CPA6: variants seen among roughly 807,000 people sequenced by gnomAD.
The protein encoded by CPA6 is carboxypeptidase A6, also known as carboxypeptidase B.
CPA6 carries 58 observed loss-of-function variants against 63.3 expected under a neutral mutation model. The ratio of observed to expected loss-of-function variants is 0.92; its 90% CI spans 0.74 to 1.14. The LOEUF is 1.14. CPA6 is among the 50% of genes most tolerant of loss of function. The pLI is 0.00. For missense variants in CPA6, 565 were observed against 526.6 expected, an observed-to-expected ratio of 1.07 and a Z score of -0.71; for synonymous variants, 185 against 179.0, an observed-to-expected ratio of 1.03 and a Z score of -0.27.
intron 2 of CPA6, among the ~76,000 whole-genome samples, chr8:67,616,578 T>C (rs1275817378): frequency 6.7e-6 from 1 of 150,282 alleles, no homozygotes; most frequent in African/African-American, 2.5e-5. Context: ...GAATAGAAGA[T>C]GTGGTGGATT....
intron 1 of CPA6, among the ~76,000 whole-genome samples, chr8:67,629,207 C>A (rs1815262602): frequency 6.6e-6 from 1 of 152,024 alleles, no homozygotes; most frequent in Admixed American, 6.5e-5. Flanking sequence ...GTGACTCATA[C>A]CTGCAATTCC....
intron 2 of CPA6, among the ~76,000 whole-genome samples, chr8:67,527,951 G>C (rs1812399247): frequency 6.6e-6 from 1 of 152,224 alleles, no homozygotes; most frequent in South Asian, 2.1e-4. Context: ...ATGTGCGGAG[G>C]ATCCGGAGAT....
intron 8 of CPA6, among the ~76,000 whole-genome samples, chr8:67,450,601 T>C (rs1320573313): frequency 6.6e-6 from 1 of 152,262 alleles, no homozygotes; most frequent in Non-Finnish European, 1.5e-5. Context: ...AACTATTTTG[T>C]ACTGAAAACA....
At chr8:67,736,398 C>A (rs187487125) in intron 1 of CPA6, among the ~76,000 whole-genome samples, 8 of 152,292 alleles carry the variant, frequency 5.3e-5, no homozygotes, top group African/African-American at 1.9e-4. Flanking sequence ...CTCAACCTAC[C>A]TGCTCTAGTT....
chr8:67,589,256 G>A (rs1814037767), intron 2 of CPA6, among the ~76,000 whole-genome samples: 1 of 152,146 alleles, frequency 6.6e-6, no homozygotes, highest in African/African-American at 2.4e-5. Context: ...TTCTTAAAAA[G>A]GATTTGACCA....
At chr8:67,475,944 C>CTT (rs1811224792) in intron 8 of CPA6, among the ~76,000 whole-genome samples, 1 of 127,118 alleles carries the variant, frequency 7.9e-6, no homozygotes, top group Non-Finnish European at 1.6e-5. Flanking sequence ...CTCTTTCTTT[C>CTT]TCTGTCTTTC....
chr8:67,480,959 T>C (rs1401974985), intron 8 of CPA6, among the ~76,000 whole-genome samples: 8 of 152,254 alleles, frequency 5.3e-5, no homozygotes, highest in Non-Finnish European at 1.2e-4. Flanking sequence ...TTCTCTTTTA[T>C]ATATCTTTTT....
At chr8:67,561,002 A>G (rs933970389) in intron 2 of CPA6, among the ~76,000 whole-genome samples, 1 of 152,180 alleles carries the variant, frequency 6.6e-6, no homozygotes, top group Admixed American at 6.5e-5. Context: ...TGATGATTCT[A>G]TCTAGTTAAC....
At chr8:67,722,007 C>T (rs1250747492) in intron 1 of CPA6, among the ~76,000 whole-genome samples, 1 of 152,200 alleles carries the variant, frequency 6.6e-6, no homozygotes, top group Non-Finnish European at 1.5e-5. Context: ...CAAGCTGTAA[C>T]CAATCTGAAT....
At chr8:67,722,816 T>C (rs867967290) in intron 1 of CPA6, among the ~76,000 whole-genome samples, 23 of 152,142 alleles carry the variant, frequency 1.5e-4, no homozygotes, top group Non-Finnish European at 2.5e-4. Context: ...AGGTTTCTTC[T>C]TACTTAGTTC....
intron 1 of CPA6, among the ~76,000 whole-genome samples, chr8:67,702,844 C>A (rs1314116181): frequency 1.3e-5 from 2 of 152,142 alleles, no homozygotes; most frequent in African/African-American, 2.4e-5. Flanking sequence ...ATGTATAAAA[C>A]CCCAAGTCAA....
chr8:67,582,011 G>A (rs1813785225), intron 2 of CPA6, among the ~76,000 whole-genome samples: 1 of 152,098 alleles, frequency 6.6e-6, no homozygotes. Flanking sequence ...ATTAGAAGGA[G>A]CAGGAGAAAA....
chr8:67,592,821 CT>C (rs1814172195), intron 2 of CPA6, among the ~76,000 whole-genome samples: 1 of 151,974 alleles, frequency 6.6e-6, no homozygotes, highest in Non-Finnish European at 1.5e-5. Flanking sequence ...TTTGTCGATC[CT>C]TTCAAAAAAC....
chr8:67,432,637 T>C (rs996306842), intron 9 of CPA6, among the ~76,000 whole-genome samples: 2 of 152,116 alleles, frequency 1.3e-5, no homozygotes, highest in Non-Finnish European at 2.9e-5. Flanking sequence ...TAATTTTTAA[T>C]TTTTTTGTAG....
chr8:67,739,543 C>G (rs1050721707), intron 1 of CPA6, among the ~76,000 whole-genome samples: 4 of 152,184 alleles, frequency 2.6e-5, no homozygotes, highest in African/African-American at 9.7e-5. Flanking sequence ...CATATTTCAA[C>G]CTGTCACTGA....
chr8:67,735,566 A>C (rs1398904595), intron 1 of CPA6: 4 of 152,160 alleles, frequency 2.6e-5, no homozygotes, highest in African/African-American at 9.7e-5. Context: ...TACATGAGAG[A>C]CTTTCCCACG....
intron 2 of CPA6, among the ~76,000 whole-genome samples, chr8:67,610,994 ATTGTTAT>A (rs1455788061): frequency 6.6e-6 from 1 of 152,098 alleles, no homozygotes; most frequent in Non-Finnish European, 1.5e-5. Flanking sequence ...GTAGTATATA[ATTGTTAT>A]TATAAGTACC....
chr8:67,738,975 A>G (rs10504407), intron 1 of CPA6, among the ~76,000 whole-genome samples: 4,780 of 152,342 alleles, frequency 0.031, 222 homozygotes, highest in African/African-American at 0.1. Flanking sequence ...TGCACAATAT[A>G]GGCTGTGAAG....
chr8:67,471,611 A>T (rs955037354), intron 8 of CPA6, among the ~76,000 whole-genome samples: 6 of 152,190 alleles, frequency 3.9e-5, no homozygotes, highest in African/African-American at 1.4e-4. Flanking sequence ...GCAAGACAGA[A>T]TAAAGGCAAG....
Sources: allele counts gnomAD v4.1 joint callset (sites outside exome capture counted in the v4.1 genomes callset), GRCh38; gene constraint gnomAD v4.1.1; transcripts MANE v1.5; gene names NCBI Gene and HGNC (gene_info 2026-07-23, HGNC 2026-07-21).